The following CAMK1D variants were observed in gnomAD, a reference collection of about 807,000 sequenced individuals.
CAMK1D encodes calcium/calmodulin dependent protein kinase ID.
CAMK1D carries 9 observed loss-of-function variants against 47.7 expected under a neutral mutation model. The observed-to-expected ratio is 0.19, with a 90% CI of 0.11 to 0.33. The LOEUF (loss-of-function observed/expected upper bound fraction) is 0.33. CAMK1D is among the 10% of genes least tolerant of loss of function. The probability of loss-of-function intolerance (pLI) is 1.00; values close to 1 mark genes in which losing one functional copy is unlikely to be tolerated. For synonymous variants in CAMK1D, 184 were observed against 184.9 expected (o/e 0.99, Z 0.04); for missense variants, 291 against 488.7 (o/e 0.60, Z 3.81).
chr10:12,763,611 G>A (rs76338962), intron 4 of CAMK1D, among the ~76,000 whole-genome samples: 2,439 of 152,246 alleles, frequency 0.016, 26 homozygotes, highest in East Asian at 0.061. Context: ...CGAGTACTAC[G>A]TCTGGAATTG....
chr10:12,572,744 G>A (rs781417412), intron 2 of CAMK1D, among the ~76,000 whole-genome samples: 54 of 152,186 alleles, frequency 3.5e-4, no homozygotes, highest in Non-Finnish European at 4.6e-4. Flanking sequence ...TGATCCTCCT[G>A]CCTCAGCCTC....
chr10:12,454,699 G>A (rs1833190485), intron 1 of CAMK1D, among the ~76,000 whole-genome samples: 1 of 152,158 alleles, frequency 6.6e-6, no homozygotes, highest in African/African-American at 2.4e-5. Context: ...CTGGACTCAA[G>A]TGATCCTCCT....
chr10:12,781,506 C>T (rs1455719424), intron 5 of CAMK1D, among the ~76,000 whole-genome samples: 1 of 151,040 alleles, frequency 6.6e-6, no homozygotes, highest in Admixed American at 6.6e-5. Context: ...CCATGATTGG[C>T]TTTGGGAGCA....
intron 1 of CAMK1D, among the ~76,000 whole-genome samples, chr10:12,364,048 G>A (rs1239320502): frequency 4.6e-5 from 7 of 151,964 alleles, no homozygotes; most frequent in Non-Finnish European, 1.0e-4. Flanking sequence ...CAGCTGCTTG[G>A]TGTTTTACGG....
At chr10:12,644,283 A>G (rs940271904) in intron 2 of CAMK1D, among the ~76,000 whole-genome samples, 3 of 152,318 alleles carry the variant, frequency 2.0e-5, no homozygotes, top group Middle Eastern at 3.4e-3. Context: ...AAGTTTCCCA[A>G]CGAAAACAAA....
At chr10:12,403,113 GC>G (rs1457819892) in intron 1 of CAMK1D, among the ~76,000 whole-genome samples, 1 of 152,132 alleles carries the variant, frequency 6.6e-6, no homozygotes, top group Admixed American at 6.6e-5. Flanking sequence ...AAAGGAACAA[GC>G]AGCAAATGTG....
intron 1 of CAMK1D, among the ~76,000 whole-genome samples, chr10:12,417,966 T>G (rs1194033468): frequency 6.6e-6 from 1 of 152,078 alleles, no homozygotes; most frequent in Non-Finnish European, 1.5e-5. Context: ...CACACCCGGC[T>G]AATTTTTGTA....
At chr10:12,779,289 A>G (rs977683809) in intron 5 of CAMK1D, among the ~76,000 whole-genome samples, 5 of 152,208 alleles carry the variant, frequency 3.3e-5, no homozygotes, top group African/African-American at 1.2e-4. Flanking sequence ...AAAATTATGT[A>G]TATTGCCTGC....
intron 1 of CAMK1D, among the ~76,000 whole-genome samples, chr10:12,526,093 A>G (rs1246307839): frequency 1.3e-5 from 2 of 152,204 alleles, no homozygotes; most frequent in African/African-American, 4.8e-5. Flanking sequence ...ATGTTGTGAG[A>G]TTCTGAATCC....
At chr10:12,533,625 T>C (rs1277091069) in intron 1 of CAMK1D, among the ~76,000 whole-genome samples, 5 of 152,174 alleles carry the variant, frequency 3.3e-5, no homozygotes, top group Non-Finnish European at 7.3e-5. Flanking sequence ...CCTGCCTCCC[T>C]CTACTCTTGA....
chr10:12,720,949 G>A (rs962159141), intron 3 of CAMK1D, among the ~76,000 whole-genome samples: 6 of 152,194 alleles, frequency 3.9e-5, no homozygotes, highest in Non-Finnish European at 8.8e-5. Flanking sequence ...TCTGGAATTG[G>A]TGAATCCATT....
intron 2 of CAMK1D, among the ~76,000 whole-genome samples, chr10:12,619,998 C>T (rs1323108686): frequency 2.0e-5 from 3 of 151,934 alleles, no homozygotes; most frequent in Non-Finnish European, 1.5e-5. Flanking sequence ...GGAGATTTAT[C>T]GAAGTTGTTG....
intron 1 of CAMK1D, among the ~76,000 whole-genome samples, chr10:12,410,470 A>G (rs192907284): frequency 6.6e-6 from 1 of 152,264 alleles, no homozygotes; most frequent in East Asian, 1.9e-4. Context: ...TCGGCCCTCC[A>G]TTACTCTCAG....
chr10:12,510,671 C>T (rs1338582279), intron 1 of CAMK1D, among the ~76,000 whole-genome samples: 1 of 152,132 alleles, frequency 6.6e-6, no homozygotes, highest in African/African-American at 2.4e-5. Context: ...TCAGTGCTTC[C>T]CAAGAGTCAC....
chr10:12,380,673 G>A (rs748673341), intron 1 of CAMK1D, among the ~76,000 whole-genome samples: 32 of 152,112 alleles, frequency 2.1e-4, no homozygotes, highest in East Asian at 1.3e-3. Context: ...TGGCTAACAC[G>A]GTGAAACCCC....
At chr10:12,715,540 G>A (rs1478325551) in intron 3 of CAMK1D, among the ~76,000 whole-genome samples, 2 of 152,146 alleles carry the variant, frequency 1.3e-5, no homozygotes, top group African/African-American at 4.8e-5. Context: ...CACAATACAA[G>A]GCTCAAATTA....
In CAMK1D at chr10:12,828,913, T is replaced by G; in HGVS notation, c.*26T>G. 2 of 1,536,492 alleles carry G rather than the reference T, an allele frequency of 1.3e-6. No individual in the cohort carries two copies. Among genetic ancestry groups the G allele is most frequent in the Non-Finnish European group, 1.8e-6 (2 of 1,135,490 alleles). On this transcript the variant is annotated 3_prime_UTR_variant, in exon 11 of 11. Coordinates refer to ENST00000619168, the MANE Select transcript of CAMK1D (RefSeq NM_153498.4). ...CTGGCCCTGGAGGTGGGGCCCGGGG[T>G]CGGGGCTGGGGAAGGGGAGCCCCAG...
chr10:12,647,561 C>T (rs1839846550), intron 2 of CAMK1D, among the ~76,000 whole-genome samples: 1 of 152,136 alleles, frequency 6.6e-6, no homozygotes, highest in Admixed American at 6.5e-5. Flanking sequence ...ATATTTCCAT[C>T]TATGAATATA....
Position 12,666,736 on chromosome 10 carries a change from G to T in CAMK1D, c.225G>T (p.Lys75Asn). 6.2e-7 allele frequency: 1 copy of T among 1,609,890 alleles called. No homozygotes were observed. Among genetic ancestry groups the T allele is most frequent in the South Asian group, 1.1e-5 (1 of 90,346 alleles). The change falls in exon 3 of 11, where the codon AAG (lysine) becomes AAT (asparagine). Residue 75 changes from lysine to asparagine, a missense_variant and splice_region_variant. Around this residue, in one of 2 missense-constraint regions of CAMK1D, gnomAD observed 219 missense variants for 424.3 expected, o/e 0.52. Transcript: ENST00000619168. ...TTTGTGCGTCTATTTTTTTTTTCAGGATTAAGCATGAAAATATTGTTGCCC... is the reference window on the plus strand; with the variant it reads ...TTTGTGCGTCTATTTTTTTTTTCAGTATTAAGCATGAAAATATTGTTGCCC... ...SIENEIAVLR[K>N]IKHENIVALE...
Sources: allele counts gnomAD v4.1 joint callset (sites outside exome capture counted in the v4.1 genomes callset), GRCh38; gene constraint gnomAD v4.1.1; regional missense constraint gnomAD v4.1.1; transcripts MANE v1.5; gene names NCBI Gene and HGNC (gene_info 2026-07-23, HGNC 2026-07-21).